Variants in KRABD4 observed in about 807,000 individuals in gnomAD.
KRABD4 encodes KRAB domain containing 4.
chrX:46,459,311 CAAAAAAAAA>C, the KRABD4 span, among the ~76,000 whole-genome samples: 2 of 44,315 alleles, frequency 4.5e-5, no homozygotes, highest in South Asian at 2.9e-3. Flanking sequence ...GAGACTGTCT[CAAAAAAAAA>C]AAAAGAAAAA....
chrX:46,469,379 G>A, the KRABD4 span, among the ~76,000 whole-genome samples: 1 of 112,027 alleles, frequency 8.9e-6, no homozygotes, highest in Non-Finnish European at 1.9e-5. Flanking sequence ...TGATAGTTTT[G>A]AATGGATAGG....
the KRABD4 span, among the ~76,000 whole-genome samples, chrX:46,453,893 C>A: frequency 7.7e-4 from 86 of 111,524 alleles, no homozygotes; most frequent in Non-Finnish European, 3.6e-4. Context: ...TCAATAGAGC[C>A]CTTACCTTTC....
chrX:46,462,282 C>T, the KRABD4 span, among the ~76,000 whole-genome samples: 355 of 111,346 alleles, frequency 3.2e-3, 12 homozygotes, highest in East Asian at 0.086. Flanking sequence ...AAGGCTAAGG[C>T]GGGCAGATCA....
the KRABD4 span, among the ~76,000 whole-genome samples, chrX:46,458,843 T>A: frequency 3.6e-5 from 4 of 111,619 alleles, no homozygotes; most frequent in African/African-American, 1.3e-4. Context: ...TGGCATTGCT[T>A]ATGATAAAAA....
the KRABD4 span, among the ~76,000 whole-genome samples, chrX:46,453,927 C>T: frequency 8.9e-6 from 1 of 111,852 alleles, no homozygotes; most frequent in Non-Finnish European, 1.9e-5. Context: ...AAAGATCTGC[C>T]ATTTACAGGG....
the KRABD4 span, chrX:46,462,735 T>C: frequency 1.8e-4 from 216 of 1,209,278 alleles, 1 homozygote; most frequent in African/African-American, 3.3e-3. Flanking sequence ...TAAAGAGGAA[T>C]GTGCCATTAC....
At chrX:46,464,911 C>G in the KRABD4 span, among the ~76,000 whole-genome samples, 2 of 78,159 alleles carry the variant, frequency 2.6e-5, no homozygotes, top group Non-Finnish European at 4.8e-5. Context: ...AGGTGCATTC[C>G]CAATCACACC....
At chrX:46,450,339 C>T in the KRABD4 span, 3 of 536,987 alleles carry the variant, frequency 5.6e-6, no homozygotes, top group South Asian at 4.2e-5. Flanking sequence ...AGATCACTCT[C>T]CCTAGGGTAC....
chrX:46,456,289 TATTAA>T, the KRABD4 span: 2 of 107,474 alleles, frequency 1.9e-5, no homozygotes, highest in African/African-American at 6.7e-5. Context: ...AATAATGTAT[TATTAA>T]ATTATTATAT....
the KRABD4 span, chrX:46,462,832 A>G: frequency 2.5e-6 from 3 of 1,211,819 alleles, no homozygotes; most frequent in East Asian, 3.0e-5. Context: ...GAACCTCTAC[A>G]GGGATGTCAT....
the KRABD4 span, chrX:46,463,210 C>T: frequency 7.4e-6 from 9 of 1,211,090 alleles, no homozygotes; most frequent in East Asian, 3.0e-5. Context: ...TATCTAGTTG[C>T]GAAGCCAGAT....
At chrX:46,465,945 A>G in the KRABD4 span, among the ~76,000 whole-genome samples, 1,249 of 112,150 alleles carry the variant, frequency 0.011, 21 homozygotes, top group South Asian at 0.034. Flanking sequence ...AGCAGAAAGC[A>G]ACTTGAATTT....
the KRABD4 span, among the ~76,000 whole-genome samples, chrX:46,471,573 A>G: frequency 9.0e-6 from 1 of 111,647 alleles, no homozygotes; most frequent in African/African-American, 3.3e-5. Context: ...AAAATCCACC[A>G]TTACTGTTTC....
At chrX:46,448,746 C>A in the KRABD4 span, 1 of 112,870 alleles carries the variant, frequency 8.9e-6, no homozygotes, top group Non-Finnish European at 1.9e-5. Context: ...GGATCACAGC[C>A]AGCCACAGAG....
the KRABD4 span, chrX:46,472,160 C>T: frequency 8.9e-6 from 1 of 112,272 alleles, no homozygotes; most frequent in African/African-American, 3.2e-5. Flanking sequence ...TTATCAACTT[C>T]GGGGGTTTTG....
At chrX:46,472,920 A>G in the KRABD4 span, 1 of 1,210,242 alleles carries the variant, frequency 8.3e-7, no homozygotes, top group East Asian at 3.0e-5. Flanking sequence ...TGTAAGGCAA[A>G]GACTCCCTAA....
chrX:46,448,387 C>G, the KRABD4 span: 1 of 112,590 alleles, frequency 8.9e-6, no homozygotes. Context: ...TCTCTGAATC[C>G]CTTGGTCCTG....
chrX:46,458,513 G>T, the KRABD4 span, among the ~76,000 whole-genome samples: 1 of 111,938 alleles, frequency 8.9e-6, no homozygotes, highest in South Asian at 3.7e-4. Flanking sequence ...CATACAAAAA[G>T]ATTATAATCC....
At chrX:46,448,738 A>C in the KRABD4 span, 1 of 112,801 alleles carries the variant, frequency 8.9e-6, no homozygotes, top group African/African-American at 3.2e-5. Context: ...GCTGGGAAGG[A>C]TCACAGCCAG....
Sources: gnomAD v4.1 joint callset for allele counts (sites outside exome capture counted in the v4.1 genomes callset) on GRCh38, gnomAD v4.1.1 for gene constraint, MANE v1.5 for transcripts, NCBI Gene and HGNC (gene_info 2026-07-23, HGNC 2026-07-21) for gene names.